HECW2: variants seen among roughly 807,000 people sequenced by gnomAD.
HECW2 encodes E3 ubiquitin-protein ligase HECW2.
HECW2 carries 61 observed loss-of-function variants against 175.2 expected under a neutral mutation model. The observed-to-expected ratio is 0.35, with a 90% CI of 0.28 to 0.43. The LOEUF is 0.43. Among genes scored for constraint, HECW2 ranks in the 20% least tolerant of loss-of-function variants. The pLI is 1.00. For missense variants in HECW2, 1,524 were observed against 2,000.5 expected (o/e 0.76, Z 4.54); for synonymous variants, 671 against 731.0 (o/e 0.92, Z 1.32).
At chr2:196,465,340 C>T (rs577887151) in intron 1 of HECW2, among the ~76,000 whole-genome samples, 3 of 152,106 alleles carry the variant, frequency 2.0e-5, no homozygotes, top group African/African-American at 7.2e-5. Context: ...TTAAAGGCAA[C>T]AGAATTGCTT....
Position 196,548,644 on chromosome 2 carries a change from C to G in HECW2, c.-36+44864G>C, listed in dbSNP as rs143843943. Among the ~76,000 whole-genome samples the G allele has an allele frequency of 2.7e-3, 417 of 152,312 alleles. 2 individuals carry two copies. The highest frequency in any genetic ancestry group is 9.3e-3 in the African/African-American group (385 of 41,562). On this transcript the variant is annotated intron_variant, in intron 1 of 28. Coordinates refer to ENST00000644978, the MANE Select transcript of HECW2 (RefSeq NM_001348768.2). ...AAAAGCTAAAATGTTTGTCAGTCTT[C>G]TGAACTGTTACTTTACTGGGACTGC...
At chr2:196,216,977 A>G (rs780923015) in intron 27 of HECW2, 31 bp downstream of exon 27, 1 of 1,337,726 alleles carries the variant, frequency 7.5e-7, no homozygotes, top group South Asian at 1.5e-5. Context: ...TCATATTGAT[A>G]CATTTAAAAG....
At chr2:196,342,407 GAAA>G (rs1166917244) in intron 3 of HECW2, among the ~76,000 whole-genome samples, 2 of 58,416 alleles carry the variant, frequency 3.4e-5, no homozygotes, top group Non-Finnish European at 3.6e-5. Flanking sequence ...TCCGTTTCAA[GAAA>G]AAAAAAAAAA....
chr2:196,262,172 T>A (rs1354856449), intron 17 of HECW2, among the ~76,000 whole-genome samples: 2 of 152,122 alleles, frequency 1.3e-5, no homozygotes, highest in African/African-American at 4.8e-5. Context: ...ACTACAGGTA[T>A]GTACCACCAC....
chr2:196,294,382 G>C (rs1189267744), intron 13 of HECW2, among the ~76,000 whole-genome samples: 1 of 152,218 alleles, frequency 6.6e-6, no homozygotes, highest in African/African-American at 2.4e-5. Flanking sequence ...CTGATTCAAA[G>C]GGCTTTGGAT....
chr2:196,486,345 T>C (rs1687004607), intron 1 of HECW2, among the ~76,000 whole-genome samples: 1 of 152,216 alleles, frequency 6.6e-6, no homozygotes, highest in African/African-American at 2.4e-5. Flanking sequence ...CTAACCTTGA[T>C]GTCAGCCAGT....
chr2:196,358,378 G>A (rs1369943824), intron 2 of HECW2, among the ~76,000 whole-genome samples: 6 of 151,148 alleles, frequency 4.0e-5, no homozygotes, highest in East Asian at 1.9e-4. Flanking sequence ...GTTCGAGATC[G>A]GCCTGACCAA....
intron 28 of HECW2, among the ~76,000 whole-genome samples, chr2:196,209,800 G>C (rs1687201302): frequency 1.4e-5 from 2 of 145,184 alleles, no homozygotes; most frequent in African/African-American, 5.1e-5. Flanking sequence ...GTCTGGCTCT[G>C]TCGCCCAGGC....
chr2:196,238,098 A>C (rs187287576), intron 21 of HECW2, among the ~76,000 whole-genome samples: 39 of 152,332 alleles, frequency 2.6e-4, no homozygotes, highest in Non-Finnish European at 4.7e-4. Flanking sequence ...GCGTGGTGGC[A>C]TGTGCCTGTA....
intron 1 of HECW2, among the ~76,000 whole-genome samples, chr2:196,446,069 T>G (rs1193444233): frequency 6.6e-6 from 1 of 152,220 alleles, no homozygotes; most frequent in East Asian, 1.9e-4. Context: ...ACCCTTACAG[T>G]GGTCTAGAAA....
At chr2:196,294,517 A>C (rs943982347) in intron 13 of HECW2, among the ~76,000 whole-genome samples, 1 of 152,124 alleles carries the variant, frequency 6.6e-6, no homozygotes. Context: ...TCTAAACTTT[A>C]TGGGTTGTTA....
intron 1 of HECW2, among the ~76,000 whole-genome samples, chr2:196,543,511 T>C (rs897468520): frequency 2.0e-5 from 3 of 152,198 alleles, no homozygotes; most frequent in Non-Finnish European, 2.9e-5. Flanking sequence ...GCGAGGTAAT[T>C]ACAAAAATTT....
chr2:196,210,082 G>A (rs1257832842), intron 28 of HECW2, among the ~76,000 whole-genome samples: 1 of 152,128 alleles, frequency 6.6e-6, no homozygotes, highest in Non-Finnish European at 1.5e-5. Flanking sequence ...TTTTAATTGA[G>A]GAAAGTGACA....
intron 1 of HECW2, among the ~76,000 whole-genome samples, chr2:196,451,419 G>A (rs371091427): frequency 1.1e-3 from 153 of 144,482 alleles, no homozygotes; most frequent in African/African-American, 3.8e-3. Context: ...GTGATGGAGC[G>A]AGACTCCGTC....
intron 27 of HECW2, among the ~76,000 whole-genome samples, 193 bp from the exon 28 acceptor site, chr2:196,216,170 A>C (rs1053524529): frequency 6.6e-6 from 1 of 152,176 alleles, no homozygotes; most frequent in Non-Finnish European, 1.5e-5. Flanking sequence ...GAAAGAGAAT[A>C]CTGTGCATGA....
At chr2:196,487,578 A>G (rs1034237811) in intron 1 of HECW2, among the ~76,000 whole-genome samples, 3 of 152,136 alleles carry the variant, frequency 2.0e-5, no homozygotes, top group African/African-American at 7.2e-5. Context: ...AAATTGGCCT[A>G]TTTGGTCACA....
At chr2:196,286,315 G>C (rs1386222949) in intron 14 of HECW2, among the ~76,000 whole-genome samples, 1 of 150,724 alleles carries the variant, frequency 6.6e-6, no homozygotes, top group Non-Finnish European at 1.5e-5. Context: ...CCACATTTTA[G>C]GTGGAGTAGA....
intron 4 of HECW2, 49 bp from the exon 5 acceptor site, chr2:196,329,699 C>A: frequency 6.9e-7 from 1 of 1,440,906 alleles, no homozygotes. Flanking sequence ...TATGATGCCA[C>A]TGGATCTGAC....
intron 1 of HECW2, among the ~76,000 whole-genome samples, chr2:196,505,153 A>G (rs1687714584): frequency 6.6e-6 from 1 of 152,208 alleles, no homozygotes; most frequent in African/African-American, 2.4e-5. Context: ...AAATTAGATT[A>G]ATAACCACAC....
Sources: allele counts gnomAD v4.1 joint callset (sites outside exome capture counted in the v4.1 genomes callset), GRCh38; gene constraint gnomAD v4.1.1; transcripts MANE v1.5; gene names NCBI Gene and HGNC (gene_info 2026-07-23, HGNC 2026-07-21).